Variants in CBFB observed in about 807,000 individuals in gnomAD.
The protein encoded by CBFB is CBF-beta.
A neutral mutation model predicts 30.4 loss-of-function variants in CBFB; 9 were observed. The ratio of observed to expected loss-of-function variants is 0.30; its 90% CI spans 0.18 to 0.52. The LOEUF (loss-of-function observed/expected upper bound fraction) is 0.52. Ranked by LOEUF, CBFB falls within the 20% of genes least tolerant of loss-of-function variation. The pLI is 0.97. For missense variants in CBFB, 170 were observed against 244.0 expected, an observed-to-expected ratio of 0.70 and a Z score of 2.02; for synonymous variants, 94 against 84.0, an observed-to-expected ratio of 1.12 and a Z score of -0.65.
intron 5 of CBFB, among the ~76,000 whole-genome samples, chr16:67,094,167 C>T (rs1252913957): frequency 1.4e-5 from 2 of 147,202 alleles, no homozygotes; most frequent in Admixed American, 6.8e-5. Flanking sequence ...CTATGTTGGC[C>T]GGGGTGGTCT....
At chr16:67,074,740 A>G (rs1324918845) in intron 4 of CBFB, among the ~76,000 whole-genome samples, 1 of 152,222 alleles carries the variant, frequency 6.6e-6, no homozygotes, top group East Asian at 1.9e-4. Flanking sequence ...TGGAGTAGGC[A>G]AAAACTTGAA....
At chr16:67,041,048 G>A (rs1210900083) in intron 3 of CBFB, among the ~76,000 whole-genome samples, 1 of 152,164 alleles carries the variant, frequency 6.6e-6, no homozygotes, top group Non-Finnish European at 1.5e-5. Context: ...GACCATGGTA[G>A]GCCATTGTAA....
At chr16:67,046,051 C>T (rs1966621946) in intron 3 of CBFB, among the ~76,000 whole-genome samples, 1 of 152,054 alleles carries the variant, frequency 6.6e-6, no homozygotes, top group Admixed American at 6.6e-5. Flanking sequence ...CTGTCTTGGC[C>T]TCCCAAAGTG....
At chr16:67,041,001 T>C (rs1019513047) in intron 3 of CBFB, among the ~76,000 whole-genome samples, 32 of 152,258 alleles carry the variant, frequency 2.1e-4, no homozygotes, top group Non-Finnish European at 3.8e-4. Flanking sequence ...GAAGTTGTAG[T>C]AGATGAAATC....
chr16:67,084,197 C>G lies in CBFB; in HGVS notation c.495+1889C>G, dbSNP rs556872851. Reference sequence around the variant, plus strand: ...AAAAAAAAAAAAAAAAAAGTATATTCTAGCAAAAATAATCAAGATAAGAAC... The same window carrying G: ...AAAAAAAAAAAAAAAAAAGTATATTGTAGCAAAAATAATCAAGATAAGAAC... On this transcript the variant is annotated intron_variant, in intron 5 of 5. Transcript: ENST00000412916. Among the ~76,000 whole-genome samples, 3 of 123,802 alleles carry G rather than the reference C, an allele frequency of 2.4e-5. No individual in the cohort carries two copies. In the East Asian group the frequency reaches 6.9e-4, roughly 28 times the overall value. The allele number at this position is 123,802 out of a possible 152,430, so 81.2% of individuals were successfully genotyped here.
At chr16:67,078,934 A>G (rs1032256678) in intron 4 of CBFB, among the ~76,000 whole-genome samples, 2 of 152,142 alleles carry the variant, frequency 1.3e-5, no homozygotes, top group Admixed American at 6.5e-5. Context: ...GCTTGAGCTT[A>G]TAGGTGTGAG....
At chr16:67,030,843 C>T (rs778758466) in intron 2 of CBFB, among the ~76,000 whole-genome samples, 3 of 152,184 alleles carry the variant, frequency 2.0e-5, no homozygotes, top group Non-Finnish European at 4.4e-5. Flanking sequence ...ATCCGCCCTC[C>T]TCGACCTCCC....
chr16:67,030,671 G>A (rs949622255), intron 2 of CBFB, among the ~76,000 whole-genome samples: 9 of 152,184 alleles, frequency 5.9e-5, no homozygotes, highest in Non-Finnish European at 8.8e-5. Flanking sequence ...TCGATCTCGG[G>A]TCACTGCAAC....
Position 67,099,917 on chromosome 16 carries a change from C to A in CBFB, c.*1139C>A. On this transcript the variant is annotated 3_prime_UTR_variant, in exon 6 of 6. Transcript: ENST00000412916. ...TTAGTTTTAGAGAGAAAATGTTCAT[C>A]TGTGCAGAGGATGCATTTTCTTCCA... 1 of 211,504 alleles carries A rather than the reference C, an allele frequency of 4.7e-6. No individual in the cohort carries two copies. The highest frequency in any genetic ancestry group is 5.9e-5 in the Admixed American group (1 of 17,050). 13.1% of individuals were successfully genotyped at this position (211,504 alleles called of 1,614,324 possible).
At chr16:67,077,382 A>G (rs1005287643) in intron 4 of CBFB, among the ~76,000 whole-genome samples, 6 of 152,218 alleles carry the variant, frequency 3.9e-5, no homozygotes, top group Admixed American at 6.5e-5. Context: ...TCATGAAGCA[A>G]CGTATAAACA....
At position 67,090,136 on chromosome 16, in the gene CBFB, A is replaced by G. The variant is rs1206789873; in HGVS notation, c.495+7828A>G. 2.0e-5 allele frequency among the ~76,000 whole-genome samples: 3 copies of G among 152,148 alleles called. No individual in the cohort carries two copies. The East Asian group carries it at 5.8e-4, about 29-fold the overall frequency. ...TTGGAGGCTACCAGTTACTGTGGGG[A>G]TTGAGTAGTGACTAGAAGTGGGTAT... On this transcript the variant is annotated intron_variant, in intron 5 of 5. Transcript: ENST00000412916.
chr16:67,094,748 G>T (rs1961991720), intron 5 of CBFB, among the ~76,000 whole-genome samples: 1 of 152,210 alleles, frequency 6.6e-6, no homozygotes, highest in Non-Finnish European at 1.5e-5. Flanking sequence ...ACTGCATTTA[G>T]CATTGATTGT....
intron 5 of CBFB, among the ~76,000 whole-genome samples, chr16:67,090,963 C>T (rs1297939000): frequency 6.6e-6 from 1 of 152,044 alleles, no homozygotes; most frequent in African/African-American, 2.4e-5. Context: ...TTTAAATTTC[C>T]GAAGACTTCA....
At chr16:67,082,065 C>T (rs1400291101) in intron 4 of CBFB, 148 bp from the exon 5 acceptor site, 7 of 426,020 alleles carry the variant, frequency 1.6e-5, no homozygotes, top group African/African-American at 1.0e-4. Flanking sequence ...GTGATCTGCC[C>T]GCCTCGGCCT....
chr16:67,044,578 G>A (rs1966591160), intron 3 of CBFB, among the ~76,000 whole-genome samples: 1 of 151,846 alleles, frequency 6.6e-6, no homozygotes, highest in South Asian at 2.1e-4. Flanking sequence ...ATTTTTATGA[G>A]CATAAAATAA....
intron 3 of CBFB, among the ~76,000 whole-genome samples, chr16:67,055,472 T>C (rs1960694248): frequency 6.7e-6 from 1 of 149,062 alleles, no homozygotes; most frequent in Non-Finnish European, 1.5e-5. Context: ...TTCACGCCAT[T>C]CTCCTGCCTC....
At chr16:67,055,459 G>A (rs891658762) in intron 3 of CBFB, among the ~76,000 whole-genome samples, 3 of 139,810 alleles carry the variant, frequency 2.1e-5, no homozygotes, top group Admixed American at 7.8e-5. Context: ...TCCGCCTCCC[G>A]GGTTCACGCC....
intron 2 of CBFB, among the ~76,000 whole-genome samples, chr16:67,034,892 G>A (rs769830769): frequency 2.6e-5 from 4 of 152,086 alleles, no homozygotes; most frequent in Non-Finnish European, 5.9e-5. Context: ...ATATTATTCA[G>A]CAGACACTTT....
intron 3 of CBFB, among the ~76,000 whole-genome samples, chr16:67,038,319 T>TATATATAC (rs1439230416): frequency 2.0e-5 from 3 of 150,210 alleles, no homozygotes; most frequent in East Asian, 3.9e-4. Context: ...TGTGTATATA[T>TATATATAC]ACGTATATGT....
Sources: allele counts gnomAD v4.1 joint callset (sites outside exome capture counted in the v4.1 genomes callset), GRCh38; gene constraint gnomAD v4.1.1; transcripts MANE v1.5; gene names NCBI Gene and HGNC (gene_info 2026-07-23, HGNC 2026-07-21).